Variants in LSAMP observed in about 807,000 individuals in gnomAD.
LSAMP encodes limbic system associated membrane protein.
A neutral mutation model predicts 38.6 loss-of-function variants in LSAMP; 7 were observed. The observed-to-expected ratio is 0.18, with a 90% CI of 0.10 to 0.34. The LOEUF (loss-of-function observed/expected upper bound fraction) is 0.34, where lower values mean the gene tolerates loss of function less well. Ranked by LOEUF, LSAMP falls within the 10% of genes least tolerant of loss-of-function variation. The probability of loss-of-function intolerance (pLI) is 1.00; values close to 1 mark genes in which losing one functional copy is unlikely to be tolerated. For synonymous variants in LSAMP, 154 were observed against 166.8 expected, an observed-to-expected ratio of 0.92 and a Z score of 0.59; for missense variants, 313 against 420.0, an observed-to-expected ratio of 0.75 and a Z score of 2.23.
chr3:116,248,850 T>G (rs1051096793), intron 1 of LSAMP, among the ~76,000 whole-genome samples: 3 of 152,074 alleles, frequency 2.0e-5, no homozygotes, highest in Non-Finnish European at 2.9e-5. Flanking sequence ...CATCAGTTCA[T>G]TAAAATGGAC....
chr3:115,961,827 A>G (rs1938635788), intron 3 of LSAMP, among the ~76,000 whole-genome samples: 1 of 152,170 alleles, frequency 6.6e-6, no homozygotes, highest in Non-Finnish European at 1.5e-5. Context: ...CGCTGACAAC[A>G]ATAATCAGCA....
chr3:115,935,358 G>A (rs999894795), intron 3 of LSAMP, among the ~76,000 whole-genome samples: 5 of 152,092 alleles, frequency 3.3e-5, no homozygotes, highest in African/African-American at 1.2e-4. Context: ...GTGGCCGGGT[G>A]GGGGGATAAA....
intron 1 of LSAMP, among the ~76,000 whole-genome samples, chr3:116,158,638 A>G (rs1190126804): frequency 6.6e-6 from 1 of 152,192 alleles, no homozygotes; most frequent in Non-Finnish European, 1.5e-5. Context: ...AATATAGCTA[A>G]CCAGGGAGGT....
intron 1 of LSAMP, among the ~76,000 whole-genome samples, chr3:116,271,000 A>ATAAG (rs923433748): frequency 2.6e-5 from 4 of 152,116 alleles, no homozygotes; most frequent in Admixed American, 1.3e-4. Context: ...GATTCTTTTC[A>ATAAG]TAAGTAACAT....
chr3:116,396,455 C>T (rs1418906979), intron 1 of LSAMP, among the ~76,000 whole-genome samples: 2 of 152,188 alleles, frequency 1.3e-5, no homozygotes, highest in African/African-American at 2.4e-5. Context: ...TATCTCCCAT[C>T]TCTGAAGTGT....
At chr3:116,182,012 G>A (rs1166614433) in intron 1 of LSAMP, among the ~76,000 whole-genome samples, 3 of 151,940 alleles carry the variant, frequency 2.0e-5, no homozygotes, top group African/African-American at 4.8e-5. Flanking sequence ...AAAGACACAA[G>A]TTTTATTTAA....
intron 1 of LSAMP, among the ~76,000 whole-genome samples, chr3:116,269,784 A>G (rs561423261): frequency 3.5e-4 from 54 of 152,246 alleles, no homozygotes; most frequent in Admixed American, 9.8e-4. Flanking sequence ...TGTTTGATCA[A>G]TTGATCAAGA....
intron 1 of LSAMP, among the ~76,000 whole-genome samples, chr3:116,335,889 C>G (rs2047914563): frequency 6.6e-6 from 1 of 151,932 alleles, no homozygotes; most frequent in South Asian, 2.1e-4. Context: ...AGTTTCTACT[C>G]AAGATGTTTT....
chr3:115,892,496 A>G (rs1289827386), intron 3 of LSAMP, among the ~76,000 whole-genome samples: 2 of 151,994 alleles, frequency 1.3e-5, no homozygotes. Flanking sequence ...AAGAAGTATT[A>G]TAGGTATGAT....
intron 1 of LSAMP, among the ~76,000 whole-genome samples, chr3:116,418,749 T>G (rs1487450233): frequency 6.6e-6 from 1 of 152,218 alleles, no homozygotes; most frequent in African/African-American, 2.4e-5. Flanking sequence ...GTCTACATTT[T>G]CATGTAGACA....
At chr3:115,832,862 T>C (rs1227775497) in intron 6 of LSAMP, among the ~76,000 whole-genome samples, 1 of 152,312 alleles carries the variant, frequency 6.6e-6, no homozygotes, top group East Asian at 1.9e-4. Flanking sequence ...GTGGGAAATA[T>C]GAAGTTCAAG....
intron 1 of LSAMP, among the ~76,000 whole-genome samples, chr3:116,302,392 A>G (rs1396506844): frequency 6.6e-6 from 1 of 152,062 alleles, no homozygotes; most frequent in Non-Finnish European, 1.5e-5. Context: ...AAGCCCATAA[A>G]TTGTTGTTTT....
chr3:116,166,787 G>GTTTTT (rs35340943), intron 1 of LSAMP, among the ~76,000 whole-genome samples: 3 of 118,808 alleles, frequency 2.5e-5, no homozygotes, highest in Admixed American at 9.0e-5. Context: ...TTTTTTTTTT[G>GTTTTT]TTTTTTTTTT....
At chr3:116,095,018 G>A (rs1306407111) in intron 1 of LSAMP, among the ~76,000 whole-genome samples, 1 of 152,146 alleles carries the variant, frequency 6.6e-6, no homozygotes, top group Admixed American at 6.5e-5. Flanking sequence ...AGTCATATAA[G>A]AGAGATAACT....
chr3:115,939,578 T>TTCTTTCTTTCTTTCTC (rs1364806295), intron 3 of LSAMP, among the ~76,000 whole-genome samples: 1 of 148,222 alleles, frequency 6.7e-6, no homozygotes, highest in Non-Finnish European at 1.5e-5. Flanking sequence ...CTTTCTTTCT[T>TTCTTTCTTTCTTTCTC]TCTTTCTGTT....
At chr3:116,237,535 T>A (rs1388263698) in intron 1 of LSAMP, among the ~76,000 whole-genome samples, 1 of 152,188 alleles carries the variant, frequency 6.6e-6, no homozygotes, top group Non-Finnish European at 1.5e-5. Flanking sequence ...TTCATGCATA[T>A]CTGCTTACAC....
chr3:115,898,598 C>CATAT (rs10527269), intron 3 of LSAMP, among the ~76,000 whole-genome samples: 3,640 of 141,914 alleles, frequency 0.026, 62 homozygotes, highest in Middle Eastern at 0.045. Context: ...CATGAAGATG[C>CATAT]ATATATATAT....
At chr3:116,045,897 C>T (rs746246303) in intron 2 of LSAMP, among the ~76,000 whole-genome samples, 15 of 152,126 alleles carry the variant, frequency 9.9e-5, no homozygotes, top group Non-Finnish European at 1.6e-4. Flanking sequence ...AAGGAAATAA[C>T]CTAGGCTCAA....
intron 3 of LSAMP, among the ~76,000 whole-genome samples, chr3:115,961,025 T>C (rs1464515270): frequency 1.3e-5 from 2 of 152,200 alleles, no homozygotes; most frequent in Admixed American, 6.5e-5. Context: ...ACATTAAACC[T>C]GTCTGCCATC....
Sources: gnomAD v4.1 joint callset for allele counts (sites outside exome capture counted in the v4.1 genomes callset) on GRCh38, gnomAD v4.1.1 for gene constraint, MANE v1.5 for transcripts, NCBI Gene and HGNC (gene_info 2026-07-23, HGNC 2026-07-21) for gene names.